The following PLEKHA1 variants were observed in gnomAD, a reference collection of about 807,000 sequenced individuals.
PLEKHA1 encodes the protein pleckstrin homology domain containing A1, also known as pleckstrin homology domain-containing family A member 1.
Under a neutral mutation model 52.0 loss-of-function variants are expected in PLEKHA1, and 34 were observed. That is an observed-to-expected ratio of 0.65 (90% CI 0.50 to 0.87). The LOEUF (loss-of-function observed/expected upper bound fraction) is 0.87, where lower values mean the gene tolerates loss of function less well. PLEKHA1 is among the 40% of genes least tolerant of loss of function. The pLI is 0.00. For synonymous variants in PLEKHA1, 163 were observed against 170.7 expected, an observed-to-expected ratio of 0.95 and a Z score of 0.35; for missense variants, 497 against 504.2, an observed-to-expected ratio of 0.99 and a Z score of 0.14.
chr10:122,399,702 C>A (rs913402067), intron 3 of PLEKHA1, among the ~76,000 whole-genome samples: 1 of 152,114 alleles, frequency 6.6e-6, no homozygotes, highest in East Asian at 1.9e-4. Flanking sequence ...CCTGCCTCAG[C>A]CTCCTGAGTA....
chr10:122,399,498 T>A (rs1199019799), intron 3 of PLEKHA1, among the ~76,000 whole-genome samples: 1 of 152,184 alleles, frequency 6.6e-6, no homozygotes, highest in Non-Finnish European at 1.5e-5. Flanking sequence ...CATTTTGATC[T>A]CCTCATAGCA....
rs1565367110 is a variant in PLEKHA1, at chr10:122,431,126, C to CA, written c.*1188_*1189insA. On this transcript the variant is annotated 3_prime_UTR_variant, in exon 12 of 12. Transcript: ENST00000368990. The stretch of plus-strand genomic sequence containing the variant: ...TATAGACCAGTTTGAGTAAGTACTG[C>CA]TTTTTTTTTTTGGAGACGGGCTCTC... The CA allele has an allele frequency of 2.7e-5, 4 of 148,744 alleles. No individual in the cohort carries two copies. The allele number at this position is 148,744 out of a possible 1,614,324, so 9.2% of individuals were successfully genotyped here.
rs905520255 is a variant in PLEKHA1 at position 122,393,646 on chromosome 10, C to T, written c.141+305C>T. Among the ~76,000 whole-genome samples the T allele has an allele frequency of 6.6e-6, 1 of 152,058 alleles. No individual in the cohort carries two copies. The highest frequency in any genetic ancestry group is 1.5e-5 in the Non-Finnish European group (1 of 67,976). ...GAACTTGAGTCACAGAAAAAAATAA[C>T]AATTGAAGCTGTCCCAAAAATAAGA... On this transcript the variant is annotated intron_variant, in intron 2 of 11. Transcript: ENST00000368990. This position sits in a 1 kb window ranked among gnomAD's most constrained non-coding sequence, Gnocchi z 4.5.
intron 8 of PLEKHA1, chr10:122,418,693 C>T (rs996103225): frequency 3.9e-5 from 6 of 152,144 alleles, no homozygotes; most frequent in African/African-American, 1.4e-4. Context: ...TTGAAATTCC[C>T]TCTTCGCCTT....
intron 4 of PLEKHA1, among the ~76,000 whole-genome samples, chr10:122,403,883 G>A (rs1325247651): frequency 6.6e-6 from 1 of 152,066 alleles, no homozygotes; most frequent in Non-Finnish European, 1.5e-5. Context: ...GTAGAGACAG[G>A]GTTTCACCAT....
chr10:122,391,747 T>G (rs1037910257), intron 1 of PLEKHA1, among the ~76,000 whole-genome samples: 11 of 152,164 alleles, frequency 7.2e-5, no homozygotes, highest in African/African-American at 2.7e-4. Flanking sequence ...ACTTTTTTTT[T>G]TTTACAAACA....
At chr10:122,428,295 T>C (rs1472165380) in intron 11 of PLEKHA1, 1 of 1,544,416 alleles carries the variant, frequency 6.5e-7, no homozygotes, top group Admixed American at 2.0e-5. Context: ...GCCAGAAGGC[T>C]GTCGAACCCT....
intron 7 of PLEKHA1, 154 bp downstream of exon 7, chr10:122,416,156 C>G (rs1315449065): frequency 2.2e-6 from 2 of 919,478 alleles, no homozygotes; most frequent in African/African-American, 3.4e-5. Flanking sequence ...AGGGGATATT[C>G]TCTGTTTATA....
chr10:122,402,946 A>G (rs902899206), intron 4 of PLEKHA1, among the ~76,000 whole-genome samples: 9 of 152,236 alleles, frequency 5.9e-5, no homozygotes, highest in African/African-American at 2.2e-4. Flanking sequence ...GAAAAGATCC[A>G]TAGATACTGA....
At chr10:122,376,990 A>G (rs908129305) in intron 1 of PLEKHA1, among the ~76,000 whole-genome samples, 8 of 152,354 alleles carry the variant, frequency 5.3e-5, no homozygotes, top group Admixed American at 5.2e-4. Context: ...ATTTAAACAA[A>G]GTGGCTTTTT....
At chr10:122,437,938 A>C in the PLEKHA1 span, 1 of 152,280 alleles carries the variant, frequency 6.6e-6, no homozygotes, top group Non-Finnish European at 1.5e-5. Context: ...GACGGTTGCT[A>C]GTAGCAAAAG....
At chr10:122,395,613 G>GTTCAATCTAGTTGCTTATGTCAAAGT (rs1409530063) in intron 2 of PLEKHA1, among the ~76,000 whole-genome samples, 1 of 147,838 alleles carries the variant, frequency 6.8e-6, no homozygotes, top group Non-Finnish European at 1.5e-5. Flanking sequence ...ATGTCATATG[G>GTTCAATCTAGTTGCTTATGTCAAAGT]TTCAATCTAG....
chr10:122,378,126 C>G (rs749228700), intron 1 of PLEKHA1, among the ~76,000 whole-genome samples: 1 of 152,102 alleles, frequency 6.6e-6, no homozygotes, highest in East Asian at 1.9e-4. Context: ...AAGGAAAAGA[C>G]GATCACAGGC....
chr10:122,419,344 G>GGCATA (rs1422086121), intron 8 of PLEKHA1: 1 of 152,162 alleles, frequency 6.6e-6, no homozygotes, highest in Non-Finnish European at 1.5e-5. Flanking sequence ...AATGAAAAAT[G>GGCATA]GCATAGCATA....
intron 5 of PLEKHA1, among the ~76,000 whole-genome samples, chr10:122,410,320 T>TA (rs1296110539): frequency 1.3e-5 from 2 of 152,138 alleles, no homozygotes; most frequent in African/African-American, 2.4e-5. Context: ...TGCTGGGACA[T>TA]AAAAAAGGAT....
chr10:122,433,797 T>C (rs2097428674), downstream of PLEKHA1: 1 of 152,232 alleles, frequency 6.6e-6, no homozygotes, highest in Admixed American at 6.5e-5. Flanking sequence ...GATATGTTTA[T>C]GTTTGATACC....
intron 8 of PLEKHA1, chr10:122,421,515 T>G (rs1401369289): frequency 6.6e-6 from 1 of 152,126 alleles, no homozygotes; most frequent in East Asian, 1.9e-4. Flanking sequence ...TGTAAGAGAA[T>G]GTAGGAAAAG....
intron 3 of PLEKHA1, among the ~76,000 whole-genome samples, chr10:122,399,638 A>G (rs781397310): frequency 6.6e-6 from 1 of 152,124 alleles, no homozygotes; most frequent in African/African-American, 2.4e-5. Flanking sequence ...GCTGGAGTGC[A>G]GTGGCGCGAT....
At chr10:122,424,875 T>C (rs759179981) in intron 9 of PLEKHA1, 21 bp from the exon 10 acceptor site, 44 of 1,598,774 alleles carry the variant, frequency 2.8e-5, no homozygotes, top group African/African-American at 2.6e-4. Context: ...TTAAGTATAA[T>C]TGGATTTTTT....
Sources: allele counts gnomAD v4.1 joint callset (sites outside exome capture counted in the v4.1 genomes callset), GRCh38; gene constraint gnomAD v4.1.1; non-coding constraint Gnocchi (gnomAD v3.1); transcripts MANE v1.5; gene names NCBI Gene and HGNC (gene_info 2026-07-23, HGNC 2026-07-21).